Variants in RBPJ observed in about 807,000 individuals in gnomAD.
The protein encoded by RBPJ is recombination signal binding protein for immunoglobulin kappa J region, also known as recombining binding protein suppressor of hairless.
In RBPJ, 9 loss-of-function variants were observed where a neutral mutation model predicts 67.8. The ratio of observed to expected loss-of-function variants is 0.13; its 90% confidence interval spans 0.08 to 0.23. The LOEUF (loss-of-function observed/expected upper bound fraction) is 0.23. RBPJ is among the 10% of genes least tolerant of loss of function. The pLI is 1.00. For missense variants in RBPJ, 305 were observed against 595.6 expected (o/e 0.51, Z 5.08); for synonymous variants, 198 against 203.3 (o/e 0.97, Z 0.22).
intron 2 of RBPJ, among the ~76,000 whole-genome samples, chr4:26,400,303 C>T (rs1172980329): frequency 6.6e-6 from 1 of 152,160 alleles, no homozygotes; most frequent in East Asian, 1.9e-4. Context: ...TTTTAGTTGT[C>T]ATAATTCAAG....
At chr4:26,403,615 T>G (rs1733079554) in intron 2 of RBPJ, among the ~76,000 whole-genome samples, 1 of 152,222 alleles carries the variant, frequency 6.6e-6, no homozygotes, top group East Asian at 1.9e-4. Context: ...AGTTCCCACT[T>G]GTAAGTGAGA....
intron 1 of RBPJ, among the ~76,000 whole-genome samples, chr4:26,274,793 G>C (rs1172392966): frequency 1.3e-5 from 2 of 152,076 alleles, no homozygotes; most frequent in African/African-American, 4.8e-5. Flanking sequence ...AATTAGCCAG[G>C]GGTGGTGGTG....
chr4:26,193,714 A>G lies in RBPJ; in HGVS notation c.-167+30100A>G, dbSNP rs79783537. Reference sequence around the variant, plus strand: ...ATTGTCTTCACACAGCTCAAGCTTCACACGGCAGCCAGAGGGAGCTTTTTA... The same window carrying G: ...ATTGTCTTCACACAGCTCAAGCTTCGCACGGCAGCCAGAGGGAGCTTTTTA... On this transcript the variant is annotated intron_variant, in intron 1 of 4. Transcript: ENST00000512351. Among the ~76,000 whole-genome samples, 4 of 152,274 alleles carry G rather than the reference A, an allele frequency of 2.6e-5. No homozygotes were observed. In the East Asian group the frequency reaches 7.7e-4, roughly 29 times the overall value.
At chr4:26,124,281 C>A in the RBPJ span, among the ~76,000 whole-genome samples, 1 of 151,664 alleles carries the variant, frequency 6.6e-6, no homozygotes, top group South Asian at 2.1e-4. Context: ...TTAGCTCCCA[C>A]TTATGAGTGA....
intron 7 of RBPJ, 30 bp from the exon 8 acceptor site, chr4:26,428,690 G>T: frequency 1.3e-6 from 2 of 1,576,980 alleles, no homozygotes; most frequent in South Asian, 1.1e-5. Context: ...ATGTGTGGAT[G>T]ACCTTTTATT....
chr4:26,202,918 A>G (rs1223331414), intron 1 of RBPJ, among the ~76,000 whole-genome samples: 4 of 150,830 alleles, frequency 2.7e-5, no homozygotes, highest in Non-Finnish European at 5.9e-5. Context: ...CTGTCAAAAA[A>G]AAAAGAAAAA....
At chr4:26,154,054 A>T in the RBPJ span, among the ~76,000 whole-genome samples, 1 of 151,842 alleles carries the variant, frequency 6.6e-6, no homozygotes, top group East Asian at 1.9e-4. Context: ...TTCATTGTTA[A>T]CTCCTTCCCC....
Position 26,354,858 on chromosome 4 carries a change from G to A in RBPJ, c.21-31495G>A, listed in dbSNP as rs556357773. ...GGGGATACAGGCTTTTTTCCTTTGG[G>A]TACAAATAGAGATGGACTGTTTTCT... On this transcript the variant is annotated intron_variant, in intron 1 of 10. Coordinates refer to ENST00000355476, the MANE Select transcript of RBPJ (RefSeq NM_015874.6). Among the ~76,000 whole-genome samples the A allele has an allele frequency of 1.1e-4, 16 of 152,042 alleles. 1 individual carries two copies. The highest frequency in any genetic ancestry group is 3.9e-4 in the African/African-American group (16 of 41,390).
intron 1 of RBPJ, among the ~76,000 whole-genome samples, chr4:26,192,377 T>A (rs1253106339): frequency 2.0e-5 from 3 of 152,182 alleles, no homozygotes; most frequent in Non-Finnish European, 4.4e-5. Context: ...TCACTTAAAA[T>A]AATATTGTGA....
rs949022298 is a variant in RBPJ at position 26,362,301 on chromosome 4, A to G, written c.21-24052A>G. ...GACTGTCACTCTATTCCTCATTCAT[A>G]TGAGGGTTCACATTAAAAATGACAG... is the stretch of plus-strand genomic sequence containing the variant. On this transcript the variant is annotated intron_variant, in intron 1 of 10. Transcript: ENST00000355476. 9.0e-6 allele frequency: 3 copies of G among 334,712 alleles called. No individual in the cohort carries two copies. The East Asian group carries it at 1.5e-4, about 16-fold the overall frequency. The allele number at this position is 334,712 out of a possible 1,614,324, so 20.7% of individuals were successfully genotyped here. A position where few individuals can be genotyped will look rare whatever the true frequency, so the allele number is the denominator to read the frequency against.
intron 2 of RBPJ, among the ~76,000 whole-genome samples, chr4:26,403,411 A>G (rs1733058528): frequency 6.6e-6 from 1 of 152,204 alleles, no homozygotes; most frequent in African/African-American, 2.4e-5. Context: ...TTTTAGGTTC[A>G]GGGTTACATG....
chr4:26,330,648 C>T (rs1724140276), intron 1 of RBPJ, among the ~76,000 whole-genome samples: 1 of 152,198 alleles, frequency 6.6e-6, no homozygotes, highest in Non-Finnish European at 1.5e-5. Context: ...GAACAAAGCA[C>T]ATTTCCCCAT....
intron 2 of RBPJ, among the ~76,000 whole-genome samples, chr4:26,394,688 C>CT (rs1487556999): frequency 1.3e-5 from 2 of 151,984 alleles, no homozygotes; most frequent in Non-Finnish European, 2.9e-5. Flanking sequence ...CTCTGAAGTG[C>CT]TTTTTTTAAA....
chr4:26,192,349 T>A lies in RBPJ; in HGVS notation c.-167+28735T>A, dbSNP rs533167860. ...AAATAGAATGACATAACACACATTC[T>A]TTTGTGTCTAACTTTTTTCACTTAA... On this transcript the variant is annotated intron_variant, in intron 1 of 4. Coordinates refer to the RBPJ transcript ENST00000512351. 3.9e-5 allele frequency among the ~76,000 whole-genome samples: 6 copies of A among 152,320 alleles called. No individual in the cohort carries two copies. In the East Asian group the frequency reaches 1.2e-3, roughly 29 times the overall value.
At chr4:26,418,101 A>T (rs1159768066) in intron 4 of RBPJ, among the ~76,000 whole-genome samples, 1 of 152,164 alleles carries the variant, frequency 6.6e-6, no homozygotes, top group African/African-American at 2.4e-5. Context: ...TCTTGGTAAC[A>T]TTTTGTTTCT....
At chr4:26,248,495 T>G (rs1403975079) in intron 1 of RBPJ, among the ~76,000 whole-genome samples, 1 of 152,216 alleles carries the variant, frequency 6.6e-6, no homozygotes, top group Non-Finnish European at 1.5e-5. Context: ...TAATGCAGAA[T>G]AATTGTGGTG....
chr4:26,214,533 A>AAGGGAGGGAGGGAAGGAGGG (rs1560213699), intron 1 of RBPJ, among the ~76,000 whole-genome samples: 1 of 77,232 alleles, frequency 1.3e-5, no homozygotes, highest in Non-Finnish European at 2.4e-5. Flanking sequence ...GGGAAGGAGG[A>AAGGGAGGGAGGGAAGGAGGG]AGGGAGGGAG....
chr4:26,355,978 T>C (rs192007136), intron 1 of RBPJ, among the ~76,000 whole-genome samples: 3 of 152,292 alleles, frequency 2.0e-5, no homozygotes, highest in East Asian at 1.9e-4. Context: ...TTCTGGAAAT[T>C]TGGGGGCAAG....
chr4:26,333,190 G>A (rs1488506236), intron 1 of RBPJ, among the ~76,000 whole-genome samples: 1 of 152,128 alleles, frequency 6.6e-6, no homozygotes, highest in African/African-American at 2.4e-5. Flanking sequence ...GGATTTTGAT[G>A]TATGGGAGGA....
Sources: allele counts gnomAD v4.1 joint callset (sites outside exome capture counted in the v4.1 genomes callset), GRCh38; gene constraint gnomAD v4.1.1; transcripts MANE v1.5; gene names NCBI Gene and HGNC (gene_info 2026-07-23, HGNC 2026-07-21).